The following GCLM variants were observed in gnomAD, a reference collection of about 807,000 sequenced individuals.
GCLM encodes glutamate-cysteine ligase modifier subunit.
In GCLM, 15 loss-of-function variants were observed where a neutral mutation model predicts 36.0. The observed-to-expected ratio is 0.42, with a 90% CI of 0.28 to 0.64. GCLM has a LOEUF of 0.64. Among genes scored for constraint, GCLM ranks in the 30% least tolerant of loss-of-function variants. The pLI is 0.25. For synonymous variants in GCLM, 129 were observed against 122.8 expected, an observed-to-expected ratio of 1.05 and a Z score of -0.34; for missense variants, 242 against 325.5, an observed-to-expected ratio of 0.74 and a Z score of 1.97.
Position 93,885,272 on chromosome 1 carries a change from A to G in GCLM, c.*3718T>C, listed in dbSNP as rs1181742361. 2 of 152,236 alleles carry G rather than the reference A, an allele frequency of 1.3e-5. No individual in the cohort carries two copies. The highest frequency in any genetic ancestry group is 4.8e-5 in the African/African-American group (2 of 41,464). The allele number at this position is 152,236 out of a possible 1,614,324, so 9.4% of individuals were successfully genotyped here. ...GAGTTCAAATAGTTCAAAAATCAAT[A>G]TAATGCTTCAGGATGCTTCCAGCTA... On this transcript the variant is annotated 3_prime_UTR_variant, in exon 7 of 7. Transcript: ENST00000370238.
chr1:93,890,823 C>G (rs547504688), intron 6 of GCLM, among the ~76,000 whole-genome samples: 1 of 151,914 alleles, frequency 6.6e-6, no homozygotes, highest in Non-Finnish European at 1.5e-5. Context: ...CTTTACACTT[C>G]TACCAGCAGT....
chr1:93,889,128 A>C lies in GCLM; in HGVS notation c.687T>G (p.Ala229=). The change falls in exon 7 of 7, where the codon GCT becomes GCG. Residue 229 remains alanine, a synonymous_variant. Transcript: ENST00000370238. The part of the protein sequence containing the change: ...ELLSEASFQE[A]LQESIPDIQA... ...GAATGTCAGGAATGCTTTCCTGAAG[A>C]GCTTCTTGGAAACTTGCTTCAGAAA... The C allele has an allele frequency of 6.3e-7, 1 of 1,581,596 alleles. No homozygotes were observed. The highest frequency in any genetic ancestry group is 1.2e-5 in the South Asian group (1 of 85,492).
chr1:93,897,642 T>C (rs1656780605), intron 4 of GCLM, among the ~76,000 whole-genome samples, 197 bp downstream of exon 4: 1 of 152,156 alleles, frequency 6.6e-6, no homozygotes. Flanking sequence ...TTTACATTCC[T>C]CTTGCATATC....
chr1:93,886,826 G>A lies in GCLM; in HGVS notation c.*2164C>T, dbSNP rs1163556124. ...TGTATAGATTTAAAATAAAATGAAC[G>A]CTTGTTTAAGGACTTATATGAAAAA... On this transcript the variant is annotated 3_prime_UTR_variant, in exon 7 of 7. Coordinates refer to ENST00000370238, the MANE Select transcript of GCLM (RefSeq NM_002061.4). The A allele has an allele frequency of 6.6e-6, 1 of 151,750 alleles. No individual in the cohort carries two copies. The highest frequency in any genetic ancestry group is 1.5e-5 in the Non-Finnish European group (1 of 67,982). The allele number at this position is 151,750 out of a possible 1,614,324, so 9.4% of individuals were successfully genotyped here. A position where few individuals can be genotyped will look rare whatever the true frequency, so the allele number is the denominator to read the frequency against.
intron 6 of GCLM, among the ~76,000 whole-genome samples, chr1:93,890,573 T>C (rs898583673): frequency 3.9e-5 from 6 of 152,192 alleles, no homozygotes; most frequent in Non-Finnish European, 8.8e-5. Flanking sequence ...CTTTAAGCAT[T>C]TGAATACTTA....
chr1:93,891,667 A>C (rs753219210), intron 6 of GCLM, among the ~76,000 whole-genome samples: 6 of 152,204 alleles, frequency 3.9e-5, no homozygotes, highest in Admixed American at 1.3e-4. Flanking sequence ...CGTCTATTAA[A>C]TGCATCAATC....
In GCLM at chr1:93,909,236, G is replaced by A; in HGVS notation, c.-73C>T. Reference sequence around the variant, plus strand: ...GGGCAGGCAGGCGGCCGCCCCACAGGACGCGGTGCCCGAGGCCCGAGAGAG... The same window carrying A: ...GGGCAGGCAGGCGGCCGCCCCACAGAACGCGGTGCCCGAGGCCCGAGAGAG... On this transcript the variant is annotated 5_prime_UTR_variant, in exon 1 of 7. Transcript: ENST00000370238. 9.0e-7 allele frequency: 1 copy of A among 1,112,804 alleles called. No homozygotes were observed. Among genetic ancestry groups the A allele is most frequent in the South Asian group, 4.3e-5 (1 of 23,046 alleles). The allele number at this position is 1,112,804 out of a possible 1,614,324, so 68.9% of individuals were successfully genotyped here.
chr1:93,889,805 C>T (rs1273998021), intron 6 of GCLM, among the ~76,000 whole-genome samples: 1 of 151,432 alleles, frequency 6.6e-6, no homozygotes, highest in Non-Finnish European at 1.5e-5. Context: ...ACATAGATAT[C>T]ATAATTCATA....
intron 6 of GCLM, among the ~76,000 whole-genome samples, chr1:93,890,483 C>T (rs1415688999): frequency 6.6e-6 from 1 of 152,060 alleles, no homozygotes; most frequent in East Asian, 1.9e-4. Flanking sequence ...ATGAAAACAC[C>T]AATGGCTCTG....
chr1:93,898,882 T>A (rs1271988330), intron 3 of GCLM, among the ~76,000 whole-genome samples: 2 of 152,122 alleles, frequency 1.3e-5, no homozygotes, highest in East Asian at 1.9e-4. Context: ...GGTGCTAGGA[T>A]TACAGCACCA....
Position 93,909,058 on chromosome 1 carries a change from G to A in GCLM, c.106C>T (p.Pro36Ser). ...LNWGRLRKKC[P>S]STHSEELHDC... ...CTCACCTCCTCGCTGTGCGTGGACG[G>A]GCACTTCTTCCGCAGGCGGCCCCAG... The change falls in exon 1 of 7, where the codon CCG becomes TCG. Residue 36 changes from proline (P) to serine (S), a missense_variant. Physicochemically the swap from Pro to Ser is moderately conservative, Grantham distance 74 (BLOSUM62 -1). Coordinates refer to ENST00000370238, the MANE Select transcript of GCLM (RefSeq NM_002061.4). 2 of 1,474,466 alleles carry A rather than the reference G, an allele frequency of 1.4e-6. No homozygotes were observed. Among genetic ancestry groups the A allele is most frequent in the South Asian group, 1.3e-5 (1 of 78,236 alleles). The allele number at this position is 1,474,466 out of a possible 1,614,324, so 91.3% of individuals were successfully genotyped here.
chr1:93,904,326 A>G (rs1474496258), intron 2 of GCLM, 197 bp downstream of exon 2: 2 of 560,302 alleles, frequency 3.6e-6, no homozygotes, highest in Non-Finnish European at 6.4e-6. Context: ...TTGTCTGGTT[A>G]AAGAGTTGCC....
At position 93,885,805 on chromosome 1, in the gene GCLM, T is replaced by C. The variant is rs966123573; in HGVS notation, c.*3185A>G. On this transcript the variant is annotated 3_prime_UTR_variant, in exon 7 of 7. Coordinates refer to ENST00000370238, the MANE Select transcript of GCLM (RefSeq NM_002061.4). ...AATTTTGAAAATACTGGGTGAAAAATCTAGAAAGACAGTGTTAAAGGAGCA... is the reference window on the plus strand; with the variant it reads ...AATTTTGAAAATACTGGGTGAAAAACCTAGAAAGACAGTGTTAAAGGAGCA... The C allele has an allele frequency of 1.3e-5, 2 of 152,134 alleles. No individual in the cohort carries two copies. The highest frequency in any genetic ancestry group is 4.8e-5 in the African/African-American group (2 of 41,424). 9.4% of individuals were successfully genotyped at this position (152,134 alleles called of 1,614,324 possible). A position where few individuals can be genotyped will look rare whatever the true frequency, so the allele number is the denominator to read the frequency against.
chr1:93,897,703 C>A (rs1436062599), intron 4 of GCLM, 136 bp downstream of exon 4: 7 of 560,360 alleles, frequency 1.2e-5, no homozygotes, highest in Non-Finnish European at 2.2e-5. Context: ...CCTTAAGAAA[C>A]TAAGCTAGAA....
At position 93,904,552 on chromosome 1, in the gene GCLM, T is replaced by C; in HGVS notation, c.163A>G (p.Ser55Gly). 2 of 1,612,012 alleles carry C rather than the reference T, an allele frequency of 1.2e-6. No homozygotes were observed. Among genetic ancestry groups the C allele is most frequent in the Non-Finnish European group, 1.7e-6 (2 of 1,178,190 alleles). The change falls in exon 2 of 7, where the codon AGT becomes GGT. Residue 55 changes from serine to glycine, a missense_variant. Transcript: ENST00000370238. ...DCIQKTLNEW[S>G]SQINPDLVRE... Reference sequence around the variant, plus strand: ...ACCAAATCTGGGTTGATTTGGGAACTCCATTCATTCAAGGTTTTTTGGATA... The same window carrying C: ...ACCAAATCTGGGTTGATTTGGGAACCCCATTCATTCAAGGTTTTTTGGATA...
rs767815533 is a variant in GCLM at position 93,909,044 on chromosome 1, G to A, written c.120C>T (p.Ser40=). ...CGAGTGTCGCCACGCTCACCTCCTC[G>A]CTGTGCGTGGACGGGCACTTCTTCC... ...RLRKKCPSTH[S]EELHDCIQKT... is the part of the protein sequence containing the mutation. The change falls in exon 1 of 7, where the codon AGC becomes AGT. Residue 40 remains serine, a synonymous_variant. Transcript: ENST00000370238. 1.6e-5 allele frequency: 23 copies of A among 1,469,918 alleles called. No homozygotes were observed. The Admixed American group carries it at 4.3e-4, about 28-fold the overall frequency. 91.1% of individuals were successfully genotyped at this position (1,469,918 alleles called of 1,614,324 possible). A position where few individuals can be genotyped will look rare whatever the true frequency, so the allele number is the denominator to read the frequency against.
chr1:93,908,810 AGT>A (rs2100932275), intron 1 of GCLM: 1 of 342,018 alleles, frequency 2.9e-6, no homozygotes, highest in South Asian at 9.4e-5. Flanking sequence ...GGTGTCACTC[AGT>A]GCGCAGCTGC....
intron 5 of GCLM, 92 bp from the exon 6 acceptor site, chr1:93,894,820 G>T: frequency 1.5e-6 from 1 of 652,642 alleles, no homozygotes. Context: ...CTTAATTTTA[G>T]AACATATGAA....
At position 93,885,329 on chromosome 1, in the gene GCLM, C is replaced by T. The variant is rs1300937527; in HGVS notation, c.*3661G>A. 1 of 152,098 alleles carries T rather than the reference C, an allele frequency of 6.6e-6. No individual in the cohort carries two copies. Among genetic ancestry groups the T allele is most frequent in the Non-Finnish European group, 1.5e-5 (1 of 68,018 alleles). 9.4% of individuals were successfully genotyped at this position (152,098 alleles called of 1,614,324 possible). On this transcript the variant is annotated 3_prime_UTR_variant, in exon 7 of 7. Transcript: ENST00000370238. Reference sequence around the variant, plus strand: ...CAACCCAATTAAAAAATATACAACTCACACTTTATTTTAGTTAAATTCATA... The same window carrying T: ...CAACCCAATTAAAAAATATACAACTTACACTTTATTTTAGTTAAATTCATA...
Sources: allele counts gnomAD v4.1 joint callset (sites outside exome capture counted in the v4.1 genomes callset), GRCh38; gene constraint gnomAD v4.1.1; transcripts MANE v1.5; gene names NCBI Gene and HGNC (gene_info 2026-07-23, HGNC 2026-07-21).